Variants in FGF6 observed in about 807,000 individuals in gnomAD.
FGF6 encodes fibroblast growth factor 6.
FGF6 carries 14 observed loss-of-function variants against 18.4 expected under a neutral mutation model. The observed-to-expected ratio is 0.76, with a 90% CI of 0.50 to 1.19. The LOEUF is 1.19. FGF6 is among the 50% of genes most tolerant of loss of function. The pLI, the probability that FGF6 is intolerant of heterozygous loss-of-function variation, is 0.00. For synonymous variants in FGF6, 125 were observed against 116.7 expected, an observed-to-expected ratio of 1.07 and a Z score of -0.46; for missense variants, 266 against 271.6, an observed-to-expected ratio of 0.98 and a Z score of 0.15.
At chr12:4,440,305 A>G (rs550541144) in intron 2 of FGF6, among the ~76,000 whole-genome samples, 1 of 152,314 alleles carries the variant, frequency 6.6e-6, no homozygotes, top group South Asian at 2.1e-4. Context: ...AGGTGCCTCC[A>G]AAGTGTGAGG....
At chr12:4,444,383 G>A in intron 1 of FGF6, 147 bp from the exon 2 acceptor site, 1 of 607,330 alleles carries the variant, frequency 1.6e-6, no homozygotes, top group South Asian at 2.0e-5. Flanking sequence ...AACTCTAGGA[G>A]ACCCTGGCTG....
chr12:4,440,075 C>G (rs17183668), intron 2 of FGF6, among the ~76,000 whole-genome samples: 1 of 152,146 alleles, frequency 6.6e-6, no homozygotes, highest in Non-Finnish European at 1.5e-5. Flanking sequence ...AGAACGCACT[C>G]GAGCCAAGTG....
At chr12:4,442,457 G>A (rs2137030262) in intron 2 of FGF6, among the ~76,000 whole-genome samples, 1 of 152,152 alleles carries the variant, frequency 6.6e-6, no homozygotes, top group Non-Finnish European at 1.5e-5. Context: ...TCCTTTCTGG[G>A]TAGGAAGAAA....
At chr12:4,434,414 G>C (rs1354234629) in intron 2 of FGF6, 23 bp from the exon 3 acceptor site, 1 of 1,613,568 alleles carries the variant, frequency 6.2e-7, no homozygotes, top group Non-Finnish European at 8.5e-7. Context: ...TGGGCAAACA[G>C]CAGAGACTGG....
chr12:4,445,330 C>T lies in FGF6; in HGVS notation c.241G>A (p.Gly81Arg), dbSNP rs2137032576. 1 of 1,614,068 alleles carries T rather than the reference C, an allele frequency of 6.2e-7. No homozygotes were observed. The highest frequency in any genetic ancestry group is 8.5e-7 in the Non-Finnish European group (1 of 1,180,024). The change falls in exon 1 of 3, where the codon GGG becomes AGG. Residue 81 changes from glycine (G) to arginine (R), a missense_variant. Physicochemically the swap from Gly to Arg is moderately radical, Grantham distance 125. Coordinates refer to ENST00000228837, the MANE Select transcript of FGF6 (RefSeq NM_020996.3). The surrounding 1 kb of genome is among the most constrained non-coding windows in gnomAD (Gnocchi z 5.5). ...GVNWESGYLVGIKRQRRLYCN... is the reference protein window; with the variant it reads ...GVNWESGYLVRIKRQRRLYCN... Reference sequence around the variant, plus strand: ...TAGAGCCTCCGCTGCCGCTTGATCCCCACCAAATAGCCACTTTCCCAGTTC... The same window carrying T: ...TAGAGCCTCCGCTGCCGCTTGATCCTCACCAAATAGCCACTTTCCCAGTTC...
chr12:4,438,978 G>T (rs1373441952), intron 2 of FGF6, among the ~76,000 whole-genome samples: 1 of 152,138 alleles, frequency 6.6e-6, no homozygotes. Flanking sequence ...GTGCGTGCAC[G>T]TGTGCGTTAG....
At chr12:4,442,075 G>C (rs1423277529) in intron 2 of FGF6, among the ~76,000 whole-genome samples, 1 of 152,084 alleles carries the variant, frequency 6.6e-6, no homozygotes, top group Non-Finnish European at 1.5e-5. Flanking sequence ...AAGGTAGGAG[G>C]GGTGGGAGGG....
At position 4,445,171 on chromosome 12, in the gene FGF6, C is replaced by A; in HGVS notation, c.346+54G>T. 1 of 1,459,380 alleles carries A rather than the reference C, an allele frequency of 6.9e-7. No homozygotes were observed. Among genetic ancestry groups the A allele is most frequent in the Non-Finnish European group, 9.3e-7 (1 of 1,071,072 alleles). 90.4% of individuals were successfully genotyped at this position (1,459,380 alleles called of 1,614,324 possible). ...AGAGCAGGGCCCCTTCACCTTTTAG[C>A]CCTGCATGAGCCCAAACCCCCAAGC... On this transcript the variant is annotated intron_variant, in intron 1 of 2. Coordinates refer to ENST00000228837, the MANE Select transcript of FGF6 (RefSeq NM_020996.3). The surrounding 1 kb of genome is among the most constrained non-coding windows in gnomAD (Gnocchi z 5.5).
At chr12:4,434,436 G>A in intron 2 of FGF6, 45 bp from the exon 3 acceptor site, 1 of 1,604,242 alleles carries the variant, frequency 6.2e-7, no homozygotes, top group Non-Finnish European at 8.5e-7. Context: ...TTACAAATGA[G>A]GAGTGCTGCA....
Position 4,434,183 on chromosome 12 carries a change from C to T in FGF6, c.*32G>A. 1.2e-6 allele frequency: 2 copies of T among 1,608,156 alleles called. No homozygotes were observed. The highest frequency in any genetic ancestry group is 1.7e-6 in the Non-Finnish European group (2 of 1,175,774). On this transcript the variant is annotated 3_prime_UTR_variant, in exon 3 of 3. Coordinates refer to ENST00000228837, the MANE Select transcript of FGF6 (RefSeq NM_020996.3). ...CAAAATTTCAATCGAACAGATGATG[C>T]TTTAAATCTGTGAGCCTTCTTTTGT...
intron 2 of FGF6, among the ~76,000 whole-genome samples, chr12:4,443,791 G>T (rs1478922807): frequency 6.6e-6 from 1 of 152,204 alleles, no homozygotes; most frequent in East Asian, 1.9e-4. Context: ...TTGCTCTCGG[G>T]GCCTCGCCAG....
rs1377299159 is a variant in FGF6 at position 4,445,646 on chromosome 12, C to T, written c.-76G>A. 4 of 1,247,238 alleles carry T rather than the reference C, an allele frequency of 3.2e-6. No homozygotes were observed. The highest frequency in any genetic ancestry group is 2.2e-6 in the Non-Finnish European group (2 of 917,126). The allele number at this position is 1,247,238 out of a possible 1,614,324, so 77.3% of individuals were successfully genotyped here. A position where few individuals can be genotyped will look rare whatever the true frequency, so the allele number is the denominator to read the frequency against. ...GCCCTTCTTGTTTTTCTCCCTCCGG[C>T]ATGGCGGCAGGGGCTTATTTTTGGA... On this transcript the variant is annotated 5_prime_UTR_variant, in exon 1 of 3. It removes an upstream start codon present in the reference 5' UTR. Transcript: ENST00000228837. The surrounding 1 kb of genome is among the most constrained non-coding windows in gnomAD (Gnocchi z 5.5).
chr12:4,445,296 A>G lies in FGF6; in HGVS notation c.275T>C (p.Val92Ala). The G allele has an allele frequency of 6.2e-7, 1 of 1,614,098 alleles. No individual in the cohort carries two copies. The highest frequency in any genetic ancestry group is 2.2e-5 in the East Asian group (1 of 44,874). The change falls in exon 1 of 3, where the codon GTG (valine) becomes GCG (alanine). Residue 92 changes from valine to alanine, a missense_variant. Physicochemically the swap from Val to Ala is moderately conservative, Grantham distance 64. Transcript: ENST00000228837. This position sits in a 1 kb window ranked among gnomAD's most constrained non-coding sequence, Gnocchi z 5.5. ...IKRQRRLYCN[V>A]GIGFHLQVLP... ...CACCTGGAGGTGAAAGCCGATGCCC[A>G]CGTTGCAGTAGAGCCTCCGCTGCCG...
chr12:4,442,738 G>T (rs17177242), intron 2 of FGF6, among the ~76,000 whole-genome samples: 32,415 of 151,996 alleles, frequency 0.21, 3,712 homozygotes, highest in Middle Eastern at 0.29. Flanking sequence ...TCCTGTCCTC[G>T]CCATCACTTT....
intron 2 of FGF6, among the ~76,000 whole-genome samples, chr12:4,441,761 C>G (rs895295786): frequency 6.6e-6 from 1 of 152,116 alleles, no homozygotes; most frequent in African/African-American, 2.4e-5. Context: ...GAGGCAGCTC[C>G]GGGGGCTTAA....
At chr12:4,437,134 G>A (rs1865636908) in intron 2 of FGF6, among the ~76,000 whole-genome samples, 1 of 150,532 alleles carries the variant, frequency 6.6e-6, no homozygotes, top group Admixed American at 6.6e-5. Context: ...GAAAAATTGT[G>A]TCATAGAACT....
intron 2 of FGF6, among the ~76,000 whole-genome samples, chr12:4,443,857 G>T (rs1293430913): frequency 6.6e-6 from 1 of 152,172 alleles, no homozygotes; most frequent in Non-Finnish European, 1.5e-5. Flanking sequence ...GTTTCCCTCT[G>T]GCCCACGGGC....
chr12:4,437,094 A>G (rs1030008886), intron 2 of FGF6, among the ~76,000 whole-genome samples: 12 of 151,318 alleles, frequency 7.9e-5, no homozygotes, highest in Admixed American at 7.2e-4. Context: ...TAAAGCTTCA[A>G]TTCCCTCATC....
chr12:4,438,783 A>T (rs1393102918), intron 2 of FGF6, among the ~76,000 whole-genome samples: 1 of 126,730 alleles, frequency 7.9e-6, no homozygotes, highest in East Asian at 2.5e-4. Context: ...AAAAAAGAGG[A>T]GTAACTAACT....
Sources: gnomAD v4.1 joint callset for allele counts (sites outside exome capture counted in the v4.1 genomes callset) on GRCh38, gnomAD v4.1.1 for gene constraint, Gnocchi (gnomAD v3.1) non-coding constraint, MANE v1.5 for transcripts, NCBI Gene and HGNC (gene_info 2026-07-23, HGNC 2026-07-21) for gene names.